PDE1A: variants seen among roughly 807,000 people sequenced by gnomAD.
PDE1A encodes the protein phosphodiesterase 1A, also known as dual specificity calcium/calmodulin-dependent 3',5'-cyclic nucleotide phosphodiesterase 1A.
A neutral mutation model predicts 61.7 loss-of-function variants in PDE1A; 35 were observed. The ratio of observed to expected loss-of-function variants is 0.57; its 90% CI spans 0.43 to 0.75. The LOEUF (loss-of-function observed/expected upper bound fraction) is 0.75. PDE1A is among the 30% of genes least tolerant of loss of function. PDE1A has a pLI of 0.00. For missense variants in PDE1A, 597 were observed against 630.6 expected (o/e 0.95, Z 0.57); for synonymous variants, 232 against 213.2 (o/e 1.09, Z -0.77).
upstream of PDE1A, among the ~76,000 whole-genome samples, chr2:182,524,473 A>G (rs985162000): frequency 2.0e-5 from 3 of 152,108 alleles, no homozygotes; most frequent in Non-Finnish European, 1.5e-5. Flanking sequence ...CAATACTACA[A>G]TTCATTTGCC....
intron 1 of PDE1A, among the ~76,000 whole-genome samples, chr2:182,348,961 C>G (rs1226036290): frequency 6.6e-6 from 1 of 152,058 alleles, no homozygotes; most frequent in Admixed American, 6.6e-5. Context: ...AAAAGTGTTA[C>G]TATAACACCA....
the PDE1A span, among the ~76,000 whole-genome samples, chr2:182,596,838 G>A: frequency 6.6e-6 from 1 of 152,110 alleles, no homozygotes; most frequent in African/African-American, 2.4e-5. Flanking sequence ...GAGGTGTGAA[G>A]AATAGAACTT....
At chr2:182,573,645 C>A in the PDE1A span, among the ~76,000 whole-genome samples, 1 of 151,460 alleles carries the variant, frequency 6.6e-6, no homozygotes, top group African/African-American at 2.4e-5. Flanking sequence ...ATTAGCAAAT[C>A]GTTAGTAATT....
chr2:182,603,996 A>C, the PDE1A span, among the ~76,000 whole-genome samples: 1 of 152,052 alleles, frequency 6.6e-6, no homozygotes, highest in African/African-American at 2.4e-5. Context: ...TTATAAAATA[A>C]ATTATATACT....
At chr2:182,350,072 A>G (rs1444577736) in intron 1 of PDE1A, among the ~76,000 whole-genome samples, 1 of 152,168 alleles carries the variant, frequency 6.6e-6, no homozygotes, top group Non-Finnish European at 1.5e-5. Context: ...TCCTGCCCCC[A>G]CCGAGTGTAA....
intron 7 of PDE1A, among the ~76,000 whole-genome samples, chr2:182,212,128 T>A (rs1410969466): frequency 6.6e-6 from 1 of 152,070 alleles, no homozygotes; most frequent in Non-Finnish European, 1.5e-5. Context: ...AAGTATGATG[T>A]TAGTTGTAGG....
chr2:182,332,118 T>C (rs1323339288), intron 1 of PDE1A, among the ~76,000 whole-genome samples: 1 of 152,204 alleles, frequency 6.6e-6, no homozygotes, highest in Non-Finnish European at 1.5e-5. Context: ...ATCTATGATA[T>C]CCTTTCTTCC....
At chr2:182,687,029 C>A in the PDE1A span, among the ~76,000 whole-genome samples, 1 of 152,196 alleles carries the variant, frequency 6.6e-6, no homozygotes, top group African/African-American at 2.4e-5. Context: ...CAAAGCAGCC[C>A]GCTGGGAAGC....
chr2:182,178,667 G>A (rs2125360367), intron 13 of PDE1A, among the ~76,000 whole-genome samples: 1 of 152,242 alleles, frequency 6.6e-6, no homozygotes, highest in Non-Finnish European at 1.5e-5. Context: ...AAGGAATAGA[G>A]GAGGGGTGGC....
At chr2:182,190,654 A>G (rs2125416790) in intron 10 of PDE1A, among the ~76,000 whole-genome samples, 1 of 152,306 alleles carries the variant, frequency 6.6e-6, no homozygotes, top group South Asian at 2.1e-4. Context: ...CATTAAGTTT[A>G]GCTAATAAGA....
At chr2:182,646,056 G>T in the PDE1A span, among the ~76,000 whole-genome samples, 1 of 151,854 alleles carries the variant, frequency 6.6e-6, no homozygotes, top group African/African-American at 2.4e-5. Context: ...TTTTAAAAGG[G>T]TATAGTAAAA....
At chr2:182,700,126 T>C in the PDE1A span, among the ~76,000 whole-genome samples, 1 of 152,232 alleles carries the variant, frequency 6.6e-6, no homozygotes, top group Non-Finnish European at 1.5e-5. Context: ...TTGACATTAA[T>C]ACAAGTGCTT....
At chr2:182,499,643 T>C (rs573539467) in intron 2 of PDE1A, among the ~76,000 whole-genome samples, 49 of 152,322 alleles carry the variant, frequency 3.2e-4, no homozygotes, top group African/African-American at 1.1e-3. Context: ...TTGATAGCAA[T>C]ACCGAGAGTT....
chr2:182,242,912 C>CG (rs1559242619), intron 2 of PDE1A, among the ~76,000 whole-genome samples: 1 of 62,890 alleles, frequency 1.6e-5, no homozygotes, highest in Non-Finnish European at 3.5e-5. Flanking sequence ...CTCTCTCTCT[C>CG]TCTCTCTCTC....
the PDE1A span, among the ~76,000 whole-genome samples, chr2:182,703,292 T>A: frequency 6.6e-6 from 1 of 152,254 alleles, no homozygotes; most frequent in African/African-American, 2.4e-5. Context: ...GAAACAGGCC[T>A]ATCTTTACTC....
intron 2 of PDE1A, among the ~76,000 whole-genome samples, chr2:182,457,491 G>A (rs1686003665): frequency 6.6e-6 from 1 of 151,956 alleles, no homozygotes; most frequent in African/African-American, 2.4e-5. Flanking sequence ...TTTGTAGATG[G>A]TAATTAAGCA....
chr2:182,539,076 C>G, the PDE1A span, among the ~76,000 whole-genome samples: 1 of 152,036 alleles, frequency 6.6e-6, no homozygotes, highest in African/African-American at 2.4e-5. Flanking sequence ...ACTTTTTCCC[C>G]ACACTCTCTT....
chr2:182,626,792 C>CATATATATACATATATACAT, the PDE1A span, among the ~76,000 whole-genome samples: 4 of 8,972 alleles, frequency 4.5e-4, 1 homozygote, highest in Non-Finnish European at 7.9e-4. Context: ...CATATATATA[C>CATATATATACATATATACAT]ATATATATAC....
intron 2 of PDE1A, among the ~76,000 whole-genome samples, chr2:182,497,938 C>A (rs1259462055): frequency 6.7e-6 from 1 of 149,136 alleles, no homozygotes; most frequent in Middle Eastern, 3.4e-3. Context: ...CCCAGCTACT[C>A]GGGAGGCTGA....
Sources: allele counts gnomAD v4.1 joint callset (sites outside exome capture counted in the v4.1 genomes callset), GRCh38; gene constraint gnomAD v4.1.1; transcripts MANE v1.5; gene names NCBI Gene and HGNC (gene_info 2026-07-23, HGNC 2026-07-21).